The following DPYD variants were observed in gnomAD, a reference collection of about 807,000 sequenced individuals.
DPYD encodes dihydropyrimidine dehydrogenase.
Under a neutral mutation model 116.2 loss-of-function variants are expected in DPYD, and 109 were observed. The ratio of observed to expected loss-of-function variants is 0.94; its 90% CI spans 0.80 to 1.10. DPYD has a LOEUF of 1.10. Among genes scored for constraint, DPYD ranks in the 50% least tolerant of loss-of-function variants. The pLI, the probability that DPYD is intolerant of heterozygous loss-of-function variation, is 0.00. For synonymous variants in DPYD, 440 were observed against 432.0 expected (o/e 1.02, Z -0.23); for missense variants, 1,302 against 1,254.5 (o/e 1.04, Z -0.57).
intron 14 of DPYD, among the ~76,000 whole-genome samples, chr1:97,392,432 G>A (rs548360919): frequency 5.3e-4 from 80 of 151,390 alleles, no homozygotes; most frequent in African/African-American, 1.7e-3. Context: ...ATAGCTTACC[G>A]TGGCATCGAA....
chr1:97,463,494 A>G (rs1677135054), intron 13 of DPYD, among the ~76,000 whole-genome samples: 2 of 152,170 alleles, frequency 1.3e-5, no homozygotes, highest in African/African-American at 4.8e-5. Flanking sequence ...CTAATACAGT[A>G]AATTGGTACC....
intron 11 of DPYD, among the ~76,000 whole-genome samples, chr1:97,572,188 C>T (rs926586089): frequency 6.6e-6 from 1 of 151,928 alleles, no homozygotes; most frequent in East Asian, 1.9e-4. Flanking sequence ...ACAGTAAATT[C>T]TGGAATAAAA....
rs796701262 is a variant in DPYD, at chr1:97,140,022, AT to A, written c.2623-41391del. Among the ~76,000 whole-genome samples, 1,333 of 146,352 alleles carry A rather than the reference AT, an allele frequency of 9.1e-3. 16 individuals are homozygous for A. Among genetic ancestry groups the A allele is most frequent in the African/African-American group, 0.023 (928 of 40,110 alleles). ...GTACTTGCCCAAAGAGGCAACTGAC[AT>A]TTTTTTTTTTTTTTACTCTGGGCTA... On this transcript the variant is annotated intron_variant, in intron 20 of 22. Coordinates refer to ENST00000370192, the MANE Select transcript of DPYD (RefSeq NM_000110.4).
intron 13 of DPYD, among the ~76,000 whole-genome samples, chr1:97,468,517 C>T (rs1013144404): frequency 1.3e-5 from 2 of 152,106 alleles, no homozygotes; most frequent in Non-Finnish European, 2.9e-5. Context: ...CACCAGACAC[C>T]AAATTTGCCA....
intron 3 of DPYD, among the ~76,000 whole-genome samples, chr1:97,751,470 A>ATT (rs1301995288): frequency 2.0e-5 from 2 of 101,356 alleles, no homozygotes; most frequent in Non-Finnish European, 4.0e-5. Flanking sequence ...GTATATATAT[A>ATT]TATATATATA....
intron 18 of DPYD, among the ~76,000 whole-genome samples, chr1:97,268,124 A>G (rs1664349697): frequency 6.6e-6 from 1 of 152,198 alleles, no homozygotes; most frequent in Non-Finnish European, 1.5e-5. Flanking sequence ...TAAATTTTAA[A>G]GCTAGAGAAT....
intron 18 of DPYD, among the ~76,000 whole-genome samples, chr1:97,243,230 A>G (rs893766586): frequency 2.6e-5 from 4 of 151,940 alleles, no homozygotes; most frequent in Non-Finnish European, 4.4e-5. Flanking sequence ...TATATGCTCT[A>G]TAGTTTTCCA....
rs1218899764 is a variant in DPYD at position 97,515,829 on chromosome 1, A to G, written c.1637T>C (p.Phe546Ser). The stretch of plus-strand genomic sequence containing the variant: ...GGCTGGAGTTGCGCTAGCAAGACCA[A>G]AAGGATTTATAAACTTCAATCCGGC... ...EMAGLKFINP[F>S]GLASATPATS... The change falls in exon 13 of 23, where the codon TTT (phenylalanine) becomes TCT (serine). Residue 546 changes from phenylalanine to serine, a missense_variant. Transcript: ENST00000370192. 1.3e-5 allele frequency: 21 copies of G among 1,613,034 alleles called. No homozygotes were observed. Among genetic ancestry groups the G allele is most frequent in the Non-Finnish European group, 1.8e-5 (21 of 1,179,320 alleles).
chr1:97,762,812 G>A (rs928986867), intron 3 of DPYD, among the ~76,000 whole-genome samples: 1 of 152,020 alleles, frequency 6.6e-6, no homozygotes, highest in Non-Finnish European at 1.5e-5. Context: ...TCACACTCCC[G>A]AAATAGGGTA....
At chr1:97,446,542 T>G (rs1186188298) in intron 14 of DPYD, among the ~76,000 whole-genome samples, 3 of 152,204 alleles carry the variant, frequency 2.0e-5, no homozygotes, top group Non-Finnish European at 4.4e-5. Context: ...TTGTAATAGA[T>G]GTATATTTAC....
At chr1:97,389,250 A>G (rs1190591291) in intron 14 of DPYD, among the ~76,000 whole-genome samples, 1 of 151,156 alleles carries the variant, frequency 6.6e-6, no homozygotes, top group African/African-American at 2.4e-5. Context: ...TTGAGGCTTC[A>G]GTGAGCCATG....
Position 97,322,142 on chromosome 1 carries a change from C to T in DPYD, c.2059-15845G>A, listed in dbSNP as rs1312407907. ...GAGATATACCTAATGCTAGATGACG[C>T]GTTAGTGGGTGCAGTGCACCAGCAT... On this transcript the variant is annotated intron_variant, in intron 16 of 22. Coordinates refer to ENST00000370192, the MANE Select transcript of DPYD (RefSeq NM_000110.4). Among the ~76,000 whole-genome samples, 4 of 139,134 alleles carry T rather than the reference C, an allele frequency of 2.9e-5. No homozygotes were observed. The East Asian group carries it at 8.7e-4, about 30-fold the overall frequency. 91.3% of individuals were successfully genotyped at this position (139,134 alleles called of 152,430 possible). A position where few individuals can be genotyped will look rare whatever the true frequency, so the allele number is the denominator to read the frequency against.
chr1:97,153,239 C>G (rs940131196), intron 20 of DPYD, among the ~76,000 whole-genome samples: 1 of 152,020 alleles, frequency 6.6e-6, no homozygotes, highest in Non-Finnish European at 1.5e-5. Flanking sequence ...TCCAAAGGAA[C>G]AGGATTTAGG....
At chr1:97,817,390 T>C (rs1262374767) in intron 3 of DPYD, among the ~76,000 whole-genome samples, 1 of 152,044 alleles carries the variant, frequency 6.6e-6, no homozygotes, top group Admixed American at 6.6e-5. Flanking sequence ...TAATAACCTG[T>C]AGAAATGCTG....
In DPYD at chr1:97,137,101, C is replaced by T. The variant is rs201196223; in HGVS notation, c.2623-38469G>A. Among the ~76,000 whole-genome samples, 15 of 152,300 alleles carry T rather than the reference C, an allele frequency of 9.8e-5. No individual in the cohort carries two copies. In the East Asian group the frequency reaches 2.7e-3, roughly 27 times the overall value. ...AATCTGAACCAGGTTTATTGTTCATCGGCTGGTGCTGTGGTACTGTGCCGT... is the reference window on the plus strand; with the variant it reads ...AATCTGAACCAGGTTTATTGTTCATTGGCTGGTGCTGTGGTACTGTGCCGT... On this transcript the variant is annotated intron_variant, in intron 20 of 22. Coordinates refer to ENST00000370192, the MANE Select transcript of DPYD (RefSeq NM_000110.4).
intron 10 of DPYD, among the ~76,000 whole-genome samples, chr1:97,577,831 AT>A (rs891332326): frequency 6.6e-6 from 1 of 151,798 alleles, no homozygotes; most frequent in African/African-American, 2.4e-5. Context: ...TTTTTATTTT[AT>A]TTTAATTAAT....
intron 20 of DPYD, among the ~76,000 whole-genome samples, chr1:97,139,152 A>G (rs575354696): frequency 4.5e-4 from 68 of 152,170 alleles, no homozygotes; most frequent in Non-Finnish European, 8.4e-4. Context: ...CTCCAAATTA[A>G]GAATTCTACA....
At chr1:97,752,643 C>T (rs1664996791) in intron 3 of DPYD, among the ~76,000 whole-genome samples, 1 of 152,046 alleles carries the variant, frequency 6.6e-6, no homozygotes, top group Non-Finnish European at 1.5e-5. Flanking sequence ...ACTGTGCATT[C>T]CACATGCTCT....
chr1:97,768,324 G>A (rs1229135426), intron 3 of DPYD, among the ~76,000 whole-genome samples: 1 of 152,066 alleles, frequency 6.6e-6, no homozygotes, highest in Non-Finnish European at 1.5e-5. Flanking sequence ...ATAGACATGG[G>A]ACCCAGGAAA....
Sources: gnomAD v4.1 joint callset for allele counts (sites outside exome capture counted in the v4.1 genomes callset) on GRCh38, gnomAD v4.1.1 for gene constraint, MANE v1.5 for transcripts, NCBI Gene and HGNC (gene_info 2026-07-23, HGNC 2026-07-21) for gene names.